ZNF184: variants seen among roughly 807,000 people sequenced by gnomAD.
ZNF184 encodes zinc finger protein 184 (Kruppel-like).
A neutral mutation model predicts 54.4 loss-of-function variants in ZNF184; 16 were observed. That is an observed-to-expected ratio of 0.29 (90% CI 0.20 to 0.45). ZNF184 has a LOEUF of 0.45. ZNF184 is among the 20% of genes least tolerant of loss of function. The pLI is 1.00. For synonymous variants in ZNF184, 254 were observed against 295.3 expected (o/e 0.86, Z 1.43); for missense variants, 681 against 888.2 (o/e 0.77, Z 2.97).
At chr6:27,425,384 A>C in the ZNF184 span, among the ~76,000 whole-genome samples, 1 of 152,240 alleles carries the variant, frequency 6.6e-6, no homozygotes, top group African/African-American at 2.4e-5. Flanking sequence ...GCACGCTGTC[A>C]CCTCTCACTG....
intron 3 of ZNF184, among the ~76,000 whole-genome samples, chr6:27,463,996 G>C (rs74620695): frequency 0.036 from 5,505 of 151,920 alleles, 309 homozygotes; most frequent in African/African-American, 0.12. Flanking sequence ...TTTTGGACCA[G>C]ATGATTCTCT....
At chr6:27,421,022 T>C in the ZNF184 span, among the ~76,000 whole-genome samples, 1 of 152,210 alleles carries the variant, frequency 6.6e-6, no homozygotes, top group Non-Finnish European at 1.5e-5. Context: ...GTTCTAACTA[T>C]ATGACATTCT....
the ZNF184 span, among the ~76,000 whole-genome samples, chr6:27,439,515 CCTT>C: frequency 6.6e-6 from 1 of 152,150 alleles, no homozygotes; most frequent in East Asian, 1.9e-4. Flanking sequence ...AGATGAAACT[CCTT>C]CTGAGGTATT....
the ZNF184 span, among the ~76,000 whole-genome samples, chr6:27,422,148 A>AAAGG: frequency 2.3e-5 from 1 of 43,472 alleles, no homozygotes; most frequent in South Asian, 1.4e-3. Flanking sequence ...CTCAAAAAAA[A>AAAGG]AAAGAAAGAA....
At chr6:27,407,807 CA>C in the ZNF184 span, 1 of 778,504 alleles carries the variant, frequency 1.3e-6, no homozygotes, top group South Asian at 1.3e-5. Context: ...ATTATGATGG[CA>C]ATTATTTGCT....
chr6:27,421,761 A>G, the ZNF184 span, among the ~76,000 whole-genome samples: 3 of 152,162 alleles, frequency 2.0e-5, no homozygotes, highest in Non-Finnish European at 2.9e-5. Flanking sequence ...GCAACTATGC[A>G]TTTTCTCTAG....
At chr6:27,435,270 C>T in the ZNF184 span, among the ~76,000 whole-genome samples, 1 of 152,116 alleles carries the variant, frequency 6.6e-6, no homozygotes, top group African/African-American at 2.4e-5. Flanking sequence ...AATATTAAGT[C>T]TTCCAATCCA....
chr6:27,423,866 A>C, the ZNF184 span, among the ~76,000 whole-genome samples: 1 of 152,224 alleles, frequency 6.6e-6, no homozygotes, highest in Non-Finnish European at 1.5e-5. Flanking sequence ...TTGAATTCTT[A>C]TACCACGTAT....
At chr6:27,434,636 C>A in the ZNF184 span, among the ~76,000 whole-genome samples, 4 of 152,042 alleles carry the variant, frequency 2.6e-5, no homozygotes, top group East Asian at 7.7e-4. Context: ...TAATAGTGTC[C>A]TTTGATGCAC....
downstream of ZNF184, among the ~76,000 whole-genome samples, chr6:27,449,212 T>C (rs1762671748): frequency 6.6e-6 from 1 of 152,242 alleles, no homozygotes; most frequent in Non-Finnish European, 1.5e-5. Context: ...TTAGTCTCTA[T>C]ATGCCCAATC....
chr6:27,437,271 A>G, the ZNF184 span, among the ~76,000 whole-genome samples: 8 of 152,344 alleles, frequency 5.3e-5, no homozygotes, highest in Admixed American at 3.3e-4. Context: ...TTTTAAAAGC[A>G]GAGAGCTTTC....
chr6:27,447,072 CAAAAAA>C (rs1321698681), downstream of ZNF184, among the ~76,000 whole-genome samples: 1 of 32,018 alleles, frequency 3.1e-5, no homozygotes, highest in African/African-American at 5.9e-5. Context: ...CCACTGCAAT[CAAAAAA>C]AAAAAAAAAA....
chr6:27,451,229 T>TG lies in ZNF184; in HGVS notation c.*73dup. On this transcript the variant is annotated 3_prime_UTR_variant, in exon 6 of 6. Transcript: ENST00000683788. ...TTCAAGGCAGTTTCTAAATCCACTCTGATTCTTCAGTACTTAACAAAAGGA... is the reference window on the plus strand; with the variant it reads ...TTCAAGGCAGTTTCTAAATCCACTCTGGATTCTTCAGTACTTAACAAAAGGA... The TG allele has an allele frequency of 6.7e-7, 1 of 1,482,196 alleles. No individual in the cohort carries two copies. Among genetic ancestry groups the TG allele is most frequent in the Non-Finnish European group, 9.0e-7 (1 of 1,110,346 alleles). 91.8% of individuals were successfully genotyped at this position (1,482,196 alleles called of 1,614,324 possible).
the ZNF184 span, among the ~76,000 whole-genome samples, chr6:27,442,806 A>ACGAAAG: frequency 3.1e-5 from 2 of 63,576 alleles, 1 homozygote; most frequent in African/African-American, 1.0e-4. Context: ...AAGAAAGAGA[A>ACGAAAG]AGAAAGAGAA....
intron 3 of ZNF184, among the ~76,000 whole-genome samples, chr6:27,461,432 T>A (rs2113725082): frequency 6.6e-6 from 1 of 152,218 alleles, no homozygotes; most frequent in African/African-American, 2.4e-5. Context: ...TAAAGCGTGG[T>A]CATGGGTCCC....
At position 27,472,693 on chromosome 6, in the gene ZNF184, C is replaced by T. The variant is rs1001045019; in HGVS notation, c.-140+36G>A. ...GTTCCCTCTGTGCACACTTGTGACTCACACCCCTGCGAGCTCGGATAACAC... is the reference window on the plus strand; with the variant it reads ...GTTCCCTCTGTGCACACTTGTGACTTACACCCCTGCGAGCTCGGATAACAC... On this transcript the variant is annotated intron_variant, in intron 1 of 5. Transcript: ENST00000683788. The surrounding 1 kb of genome is among the most constrained non-coding windows in gnomAD (Gnocchi z 4.8). 21 of 185,786 alleles carry T rather than the reference C, an allele frequency of 1.1e-4. No homozygotes were observed. Among genetic ancestry groups the T allele is most frequent in the Non-Finnish European group, 1.1e-4 (10 of 88,962 alleles). The allele number at this position is 185,786 out of a possible 1,614,324, so 11.5% of individuals were successfully genotyped here.
chr6:27,465,321 A>C (rs1763104643), intron 3 of ZNF184, among the ~76,000 whole-genome samples: 1 of 151,356 alleles, frequency 6.6e-6, no homozygotes, highest in South Asian at 2.1e-4. Flanking sequence ...TGTCTCGACT[A>C]AAAATACAAA....
At chr6:27,442,862 G>GAA in the ZNF184 span, among the ~76,000 whole-genome samples, 158 of 58,554 alleles carry the variant, frequency 2.7e-3, 9 homozygotes, top group African/African-American at 0.01. Flanking sequence ...AAGAAAGAAA[G>GAA]AAAGAAAGAA....
the ZNF184 span, chr6:27,406,669 T>A: frequency 6.6e-6 from 1 of 152,060 alleles, no homozygotes; most frequent in African/African-American, 2.4e-5. Flanking sequence ...TGTACAAGAG[T>A]GCCAACATTA....
Sources: allele counts gnomAD v4.1 joint callset (sites outside exome capture counted in the v4.1 genomes callset), GRCh38; gene constraint gnomAD v4.1.1; non-coding constraint Gnocchi (gnomAD v3.1); transcripts MANE v1.5; gene names NCBI Gene and HGNC (gene_info 2026-07-23, HGNC 2026-07-21).